CHD8: variants seen among roughly 807,000 people sequenced by gnomAD.
The protein encoded by CHD8 is chromodomain helicase DNA binding protein 8.
Under a neutral mutation model 279.2 loss-of-function variants are expected in CHD8, and 31 were observed. That is an observed-to-expected ratio of 0.11 (90% CI 0.08 to 0.15). The LOEUF (loss-of-function observed/expected upper bound fraction) is 0.15. Among genes scored for constraint, CHD8 ranks in the 10% least tolerant of loss-of-function variants. CHD8 has a pLI of 1.00. For synonymous variants in CHD8, 1,081 were observed against 1,139.6 expected, an observed-to-expected ratio of 0.95 and a Z score of 1.04; for missense variants, 2,146 against 3,230.5, an observed-to-expected ratio of 0.66 and a Z score of 8.14.
At chr14:21,453,060 G>C (rs1475703681) in intron 1 of CHD8, among the ~76,000 whole-genome samples, 1 of 151,664 alleles carries the variant, frequency 6.6e-6, no homozygotes, top group African/African-American at 2.4e-5. Flanking sequence ...TGTAATCCCA[G>C]CACTTCGGGA....
chr14:21,395,180 T>C, intron 29 of CHD8, 61 bp from the exon 30 acceptor site: 1 of 1,546,582 alleles, frequency 6.5e-7, no homozygotes, highest in Admixed American at 1.8e-5. Context: ...GCAATACTAG[T>C]ATTTTAACCC....
At chr14:21,426,311 A>G in intron 4 of CHD8, 69 bp from the exon 5 acceptor site, 2 of 770,912 alleles carry the variant, frequency 2.6e-6, no homozygotes, top group Non-Finnish European at 4.3e-6. Context: ...AAACATAATT[A>G]ATCTAAACCA....
chr14:21,449,965 A>C, intron 1 of CHD8, among the ~76,000 whole-genome samples: 1 of 152,238 alleles, frequency 6.6e-6, no homozygotes, highest in African/African-American at 2.4e-5. Context: ...ATTGATATGC[A>C]AATTAAGGAA....
intron 29 of CHD8, 24 bp downstream of exon 29, chr14:21,395,274 A>T: frequency 3.2e-6 from 5 of 1,585,414 alleles, no homozygotes; most frequent in Non-Finnish European, 3.5e-6. Flanking sequence ...ACACAGAATT[A>T]TACTAGTTGA....
intron 2 of CHD8, chr14:21,429,972 CTA>C (rs1889496395): frequency 6.5e-6 from 1 of 154,844 alleles, no homozygotes; most frequent in Non-Finnish European, 1.4e-5. Flanking sequence ...AGGTATCAAG[CTA>C]TGTTTTAAAA....
At position 21,393,216 on chromosome 14, in the gene CHD8, G is replaced by A; in HGVS notation, c.6358C>T (p.Leu2120Phe). 6.2e-7 allele frequency: 1 copy of A among 1,613,994 alleles called. No homozygotes were observed. The highest frequency in any genetic ancestry group is 8.5e-7 in the Non-Finnish European group (1 of 1,179,892). Residue 2120 changes from leucine to phenylalanine, a missense_variant, in exon 33 of 38, where the codon CTC becomes TTC. Physicochemically the swap from Leu to Phe is conservative, Grantham distance 22 (BLOSUM62 0). This residue lies in a region of CHD8 where 513 missense variants were observed against 637.6 expected (regional missense o/e 0.80). Transcript: ENST00000646647. ...SRSKLYDEES[L>F]LSLTMSQDGF... ...TCTTGGGACATAGTGAGGGACAGGA[G>A]ACTCTCTTCATCATAGAGCTTTGAG...
At chr14:21,421,362 T>C (rs1176005800) in intron 5 of CHD8, among the ~76,000 whole-genome samples, 3 of 151,718 alleles carry the variant, frequency 2.0e-5, no homozygotes, top group Non-Finnish European at 1.5e-5. Context: ...CCTACTTCAT[T>C]GTTTTTAACT....
chr14:21,408,755 C>T lies in CHD8; in HGVS notation c.2435G>A (p.Arg812Gln). The T allele has an allele frequency of 2.5e-6, 4 of 1,610,176 alleles. No individual in the cohort carries two copies. The highest frequency in any genetic ancestry group is 3.4e-6 in the Non-Finnish European group (4 of 1,177,944). ...ATTAACCCCTTCCAACTGATATTCC[C>T]GTAGCTGGTTTCTGTTTTTATATTC... ...SHEYKNRNQL[R>Q]EYQLEGVNWL... is the part of the protein sequence containing the mutation. Residue 812 changes from arginine (R) to glutamine (Q), a missense_variant, in exon 12 of 38, where the codon CGG becomes CAG. By Grantham distance (43) the Arg-to-Gln change is conservative. Coordinates refer to ENST00000646647, the MANE Select transcript of CHD8 (RefSeq NM_001170629.2). This position sits in a 1 kb window ranked among gnomAD's most constrained non-coding sequence, Gnocchi z 4.3.
intron 5 of CHD8, among the ~76,000 whole-genome samples, chr14:21,417,718 G>A (rs1888791811): frequency 6.6e-6 from 1 of 151,726 alleles, no homozygotes; most frequent in Admixed American, 6.6e-5. Flanking sequence ...GCCAGGTGTG[G>A]TGGCGGGCGC....
In CHD8 at chr14:21,405,497, A is replaced by C; in HGVS notation, c.3052-33T>G. ...CCATTACAGAGAGAAAAATAAATCAATAAGATGAGGGCGAACATTCTCACA... is the reference window on the plus strand; with the variant it reads ...CCATTACAGAGAGAAAAATAAATCACTAAGATGAGGGCGAACATTCTCACA... On this transcript the variant is annotated intron_variant, in intron 15 of 37. Transcript: ENST00000646647. This position sits in a 1 kb window ranked among gnomAD's most constrained non-coding sequence, Gnocchi z 4.2. The C allele has an allele frequency of 1.3e-6, 2 of 1,591,140 alleles. No homozygotes were observed. The highest frequency in any genetic ancestry group is 2.7e-5 in the African/African-American group (2 of 74,344).
At chr14:21,442,680 A>AGAGGGGAGGAGAGGAGAGGG (rs1566454411) in intron 1 of CHD8, among the ~76,000 whole-genome samples, 29 of 57,940 alleles carry the variant, frequency 5.0e-4, no homozygotes, top group South Asian at 9.3e-4. Flanking sequence ...GGAGGAGAGG[A>AGAGGGGAGGAGAGGAGAGGG]GAGGGGAGGG....
intron 1 of CHD8, among the ~76,000 whole-genome samples, chr14:21,454,727 CAGA>C (rs1486227533): frequency 3.1e-4 from 47 of 152,196 alleles, no homozygotes; most frequent in Admixed American, 3.0e-3. Context: ...TCTCTTGCAG[CAGA>C]AGGTCTTCTT....
At chr14:21,441,622 C>T (rs562476024) in intron 1 of CHD8, among the ~76,000 whole-genome samples, 13 of 152,052 alleles carry the variant, frequency 8.5e-5, no homozygotes, top group South Asian at 2.1e-4. Context: ...GGCGTGGTGG[C>T]TCATGCCTGT....
At chr14:21,404,409 A>C (rs972326370) in intron 16 of CHD8, among the ~76,000 whole-genome samples, 6 of 151,952 alleles carry the variant, frequency 3.9e-5, no homozygotes, top group South Asian at 2.1e-4. Context: ...AAAAAAAAAA[A>C]AAAAAAAAAA....
chr14:21,425,972 A>G (rs1303078051), intron 5 of CHD8, 156 bp downstream of exon 5: 1 of 570,060 alleles, frequency 1.8e-6, no homozygotes, highest in South Asian at 2.4e-5. Flanking sequence ...CAGAAAAAAG[A>G]CACTGGCCAG....
At chr14:21,452,767 T>C (rs1053673446) in intron 1 of CHD8, among the ~76,000 whole-genome samples, 11 of 151,774 alleles carry the variant, frequency 7.2e-5, no homozygotes, top group African/African-American at 2.4e-4. Context: ...AGGCCGATCA[T>C]GAGGTCAGGA....
chr14:21,394,550 G>A (rs1249211363), intron 30 of CHD8, 65 bp from the exon 31 acceptor site: 1 of 750,822 alleles, frequency 1.3e-6, no homozygotes, highest in Admixed American at 4.4e-5. Flanking sequence ...AAGAAAACTG[G>A]TTATTTTTTA....
chr14:21,415,102 T>A, intron 7 of CHD8, 109 bp from the exon 8 acceptor site: 1 of 725,360 alleles, frequency 1.4e-6, no homozygotes, highest in Non-Finnish European at 2.3e-6. Context: ...TCTGAATATA[T>A]TAATAACTCA....
At chr14:21,435,618 G>T (rs1889750767) in intron 1 of CHD8, among the ~76,000 whole-genome samples, 1 of 152,148 alleles carries the variant, frequency 6.6e-6, no homozygotes, top group South Asian at 2.1e-4. Flanking sequence ...CAACAAAGCA[G>T]TGATTCTCAA....
Sources: allele counts gnomAD v4.1 joint callset (sites outside exome capture counted in the v4.1 genomes callset), GRCh38; gene constraint gnomAD v4.1.1; regional missense constraint gnomAD v4.1.1; non-coding constraint Gnocchi (gnomAD v3.1); transcripts MANE v1.5; gene names NCBI Gene and HGNC (gene_info 2026-07-23, HGNC 2026-07-21).